ATOSA: variants seen among roughly 807,000 people sequenced by gnomAD.
ATOSA encodes the protein atos homolog A.
At chr15:52,673,748 T>C in the ATOSA span, among the ~76,000 whole-genome samples, 3 of 152,370 alleles carry the variant, frequency 2.0e-5, no homozygotes, top group African/African-American at 7.2e-5. Flanking sequence ...TAGCAAGCAA[T>C]GCACCTAATT....
the ATOSA span, among the ~76,000 whole-genome samples, chr15:52,665,377 A>G: frequency 6.6e-6 from 1 of 152,254 alleles, no homozygotes; most frequent in Non-Finnish European, 1.5e-5. Context: ...GGAAAACAAG[A>G]TACAAATCAG....
At chr15:52,669,134 G>A in the ATOSA span, among the ~76,000 whole-genome samples, 1 of 152,000 alleles carries the variant, frequency 6.6e-6, no homozygotes, top group Non-Finnish European at 1.5e-5. Context: ...TGTTAGCCAG[G>A]ATGGTCTCGA....
At chr15:52,625,247 C>G in the ATOSA span, among the ~76,000 whole-genome samples, 1 of 151,796 alleles carries the variant, frequency 6.6e-6, no homozygotes, top group Admixed American at 6.6e-5. Context: ...TTCTCAATAC[C>G]TAGTACAAGT....
At chr15:52,589,721 G>A in the ATOSA span, among the ~76,000 whole-genome samples, 243 of 151,948 alleles carry the variant, frequency 1.6e-3, 1 homozygote, top group African/African-American at 5.5e-3. Context: ...TAATTGATCA[G>A]CATATTAATA....
chr15:52,657,077 A>G, the ATOSA span: 1 of 152,164 alleles, frequency 6.6e-6, no homozygotes, highest in African/African-American at 2.4e-5. Context: ...TTTGTGAAAT[A>G]ATATTTTGTA....
At chr15:52,606,964 A>AT in the ATOSA span, among the ~76,000 whole-genome samples, 1 of 152,206 alleles carries the variant, frequency 6.6e-6, no homozygotes, top group Non-Finnish European at 1.5e-5. Flanking sequence ...ATTTTTAGAA[A>AT]TTAAAAGGTG....
the ATOSA span, among the ~76,000 whole-genome samples, chr15:52,695,507 C>T: frequency 6.6e-6 from 1 of 152,220 alleles, no homozygotes; most frequent in African/African-American, 2.4e-5. Context: ...AAGATCCTCC[C>T]TATTCATTCT....
the ATOSA span, among the ~76,000 whole-genome samples, chr15:52,704,016 C>A: frequency 6.6e-6 from 1 of 151,970 alleles, no homozygotes; most frequent in Non-Finnish European, 1.5e-5. Flanking sequence ...GTATATACTA[C>A]CTTTTTATAG....
At chr15:52,661,296 C>A in the ATOSA span, among the ~76,000 whole-genome samples, 2 of 152,286 alleles carry the variant, frequency 1.3e-5, no homozygotes, top group East Asian at 3.9e-4. Flanking sequence ...TAGCCTGTTT[C>A]TTTCCAGTTT....
the ATOSA span, among the ~76,000 whole-genome samples, chr15:52,709,323 T>C: frequency 6.6e-6 from 1 of 152,186 alleles, no homozygotes; most frequent in Non-Finnish European, 1.5e-5. Flanking sequence ...GCTTTTGCTG[T>C]CACCTATCAT....
At chr15:52,685,380 G>GA in the ATOSA span, among the ~76,000 whole-genome samples, 1 of 151,918 alleles carries the variant, frequency 6.6e-6, no homozygotes, top group Non-Finnish European at 1.5e-5. Flanking sequence ...GAACAATGGT[G>GA]AACAACCCTT....
the ATOSA span, chr15:52,585,025 C>T: frequency 1.6e-6 from 2 of 1,240,376 alleles, no homozygotes; most frequent in Non-Finnish European, 2.2e-6. Context: ...AATAATCAAA[C>T]AAGATTTTAA....
chr15:52,636,557 A>G, the ATOSA span, among the ~76,000 whole-genome samples: 1 of 152,226 alleles, frequency 6.6e-6, no homozygotes, highest in African/African-American at 2.4e-5. Flanking sequence ...GAGGCCATGC[A>G]AGCAAGCCAG....
At chr15:52,687,373 C>G in the ATOSA span, among the ~76,000 whole-genome samples, 3 of 152,228 alleles carry the variant, frequency 2.0e-5, no homozygotes, top group African/African-American at 7.2e-5. Flanking sequence ...CCACTGCACT[C>G]CAGCCTGGGC....
At chr15:52,602,245 T>C in the ATOSA span, among the ~76,000 whole-genome samples, 1 of 152,244 alleles carries the variant, frequency 6.6e-6, no homozygotes, top group Non-Finnish European at 1.5e-5. Flanking sequence ...ATACACTTCA[T>C]GCATTTTTCA....
the ATOSA span, among the ~76,000 whole-genome samples, chr15:52,693,742 G>A: frequency 6.6e-6 from 1 of 152,116 alleles, no homozygotes; most frequent in Admixed American, 6.5e-5. Flanking sequence ...TTTTCTAATG[G>A]AGTTTAACAA....
At chr15:52,600,226 T>C in the ATOSA span, 3 of 1,602,972 alleles carry the variant, frequency 1.9e-6, no homozygotes, top group Non-Finnish European at 2.6e-6. Flanking sequence ...TGTTTAAACA[T>C]GGTCGAGGAC....
the ATOSA span, among the ~76,000 whole-genome samples, chr15:52,630,430 G>T: frequency 6.6e-6 from 1 of 152,054 alleles, no homozygotes; most frequent in Non-Finnish European, 1.5e-5. Flanking sequence ...TAAGAATCCT[G>T]AAAGGTTAAT....
At chr15:52,619,393 C>G in the ATOSA span, among the ~76,000 whole-genome samples, 1 of 152,030 alleles carries the variant, frequency 6.6e-6, no homozygotes, top group Admixed American at 6.6e-5. Context: ...TTCAATAGAT[C>G]TAACTTGATA....
Sources: allele counts gnomAD v4.1 joint callset (sites outside exome capture counted in the v4.1 genomes callset), GRCh38; gene constraint gnomAD v4.1.1; transcripts MANE v1.5; gene names NCBI Gene and HGNC (gene_info 2026-07-23, HGNC 2026-07-21).